ZNF143: variants seen among roughly 807,000 people sequenced by gnomAD.
The protein encoded by ZNF143 is zinc finger protein 143, also known as SPH-binding factor.
A neutral mutation model predicts 74.1 loss-of-function variants in ZNF143; 49 were observed. The ratio of observed to expected loss-of-function variants is 0.66; its 90% CI spans 0.53 to 0.84. The LOEUF (loss-of-function observed/expected upper bound fraction) is 0.84, where lower values mean the gene tolerates loss of function less well. Ranked by LOEUF, ZNF143 falls within the 40% of genes least tolerant of loss-of-function variation. The pLI, the probability that ZNF143 is intolerant of heterozygous loss-of-function variation, is 0.00. For synonymous variants in ZNF143, 304 were observed against 282.8 expected, an observed-to-expected ratio of 1.07 and a Z score of -0.75; for missense variants, 637 against 793.4, an observed-to-expected ratio of 0.80 and a Z score of 2.37.
chr11:9,490,636 G>T (rs917744599), intron 7 of ZNF143, among the ~76,000 whole-genome samples: 37 of 151,412 alleles, frequency 2.4e-4, no homozygotes, highest in African/African-American at 8.8e-4. Flanking sequence ...GAGTACATGT[G>T]TTGCTGTTAT....
chr11:9,497,653 T>A, intron 9 of ZNF143, 22 bp from the exon 10 acceptor site: 1 of 1,557,134 alleles, frequency 6.4e-7, no homozygotes, highest in South Asian at 1.2e-5. Context: ...GTAATTAAAT[T>A]TCTTTTAATT....
intron 11 of ZNF143, among the ~76,000 whole-genome samples, chr11:9,501,979 C>G (rs1848179482): frequency 7.8e-6 from 1 of 127,904 alleles, no homozygotes; most frequent in Admixed American, 8.9e-5. Flanking sequence ...TGTTGTTGCC[C>G]AGGCTGGAGT....
intron 7 of ZNF143, among the ~76,000 whole-genome samples, chr11:9,487,015 G>A (rs866846238): frequency 2.2e-5 from 3 of 138,820 alleles, no homozygotes; most frequent in Non-Finnish European, 4.6e-5. Context: ...CACCCAGGCT[G>A]GAGTGCAATG....
Position 9,467,660 on chromosome 11 carries a change from G to C in ZNF143, c.-7-3642G>C, listed in dbSNP as rs376589959. Among the ~76,000 whole-genome samples, 35 of 151,942 alleles carry C rather than the reference G, an allele frequency of 2.3e-4. 1 individual carries two copies. The highest frequency in any genetic ancestry group is 8.4e-4 in the African/African-American group (35 of 41,484). ...CAGGAGTTCAAGACCCGCCTGGCCA[G>C]CATGGTGAAAACCCTTCTCTACTAA... is the stretch of plus-strand genomic sequence containing the variant. On this transcript the variant is annotated intron_variant, in intron 1 of 15. Transcript: ENST00000396602.
intron 1 of ZNF143, among the ~76,000 whole-genome samples, chr11:9,466,656 G>A (rs572894028): frequency 3.3e-5 from 5 of 151,948 alleles, no homozygotes; most frequent in African/African-American, 1.2e-4. Flanking sequence ...GCCCAGGCTG[G>A]TCTTGAACTC....
At chr11:9,474,191 G>A (rs544401647) in intron 4 of ZNF143, among the ~76,000 whole-genome samples, 167 bp downstream of exon 4, 8 of 152,126 alleles carry the variant, frequency 5.3e-5, no homozygotes, top group African/African-American at 9.7e-5. Context: ...AGACTTTCTC[G>A]TAAAGATAAT....
At position 9,475,712 on chromosome 11, in the gene ZNF143, C is replaced by T. The variant is rs537505115; in HGVS notation, c.373+1079C>T. 1.1e-4 allele frequency among the ~76,000 whole-genome samples: 17 copies of T among 152,142 alleles called. No individual in the cohort carries two copies. The East Asian group carries it at 3.3e-3, about 29-fold the overall frequency. ...TTGAGACCAGCCTGGCCATGCAAAA[C>T]CCTGTCTCTACTAAAAATACAAAAA... On this transcript the variant is annotated intron_variant, in intron 5 of 15. Coordinates refer to ENST00000396602, the MANE Select transcript of ZNF143 (RefSeq NM_003442.6).
At chr11:9,464,100 G>T (rs983845177) in intron 1 of ZNF143, among the ~76,000 whole-genome samples, 2 of 151,628 alleles carry the variant, frequency 1.3e-5, no homozygotes, top group African/African-American at 4.9e-5. Context: ...GTGTGTGTGT[G>T]TGTGTGTGTG....
intron 14 of ZNF143, among the ~76,000 whole-genome samples, chr11:9,518,274 C>A (rs903277756): frequency 3.9e-5 from 6 of 152,106 alleles, no homozygotes; most frequent in Non-Finnish European, 5.9e-5. Flanking sequence ...GTTGATTTCT[C>A]CTAAGAAACT....
intron 10 of ZNF143, among the ~76,000 whole-genome samples, 163 bp downstream of exon 10, chr11:9,497,963 T>A (rs1848024606): frequency 6.6e-6 from 1 of 152,052 alleles, no homozygotes; most frequent in African/African-American, 2.4e-5. Flanking sequence ...CCCAAGTAGC[T>A]GGGACTACAG....
chr11:9,525,702 A>C (rs1474184606), intron 15 of ZNF143, among the ~76,000 whole-genome samples: 1 of 152,324 alleles, frequency 6.6e-6, no homozygotes, highest in East Asian at 1.9e-4. Flanking sequence ...TCTGTAAAGC[A>C]CTTAAGAGCT....
intron 7 of ZNF143, among the ~76,000 whole-genome samples, chr11:9,489,457 A>G (rs1847686496): frequency 6.6e-6 from 1 of 152,174 alleles, no homozygotes; most frequent in South Asian, 2.1e-4. Context: ...GAATGGGAGC[A>G]AAAACAAGTA....
chr11:9,513,367 G>A lies in ZNF143; in HGVS notation c.1524+771G>A, dbSNP rs929523488. ...CATTTATCTCCTTCCTCACTTTGAC[G>A]TCACTAATTTCACACTATACTCTCT... On this transcript the variant is annotated intron_variant, in intron 13 of 15. Transcript: ENST00000396602. Among the ~76,000 whole-genome samples, 7 of 152,144 alleles carry A rather than the reference G, an allele frequency of 4.6e-5. No individual in the cohort carries two copies. In the South Asian group the frequency reaches 6.2e-4, roughly 13 times the overall value.
At chr11:9,507,348 A>G (rs752801692) in intron 11 of ZNF143, among the ~76,000 whole-genome samples, 1 of 152,064 alleles carries the variant, frequency 6.6e-6, no homozygotes, top group Non-Finnish European at 1.5e-5. Flanking sequence ...TTCTTCCCCC[A>G]TTCCATATTT....
chr11:9,517,910 A>G (rs1405353831), intron 14 of ZNF143, among the ~76,000 whole-genome samples: 1 of 152,216 alleles, frequency 6.6e-6, no homozygotes, highest in African/African-American at 2.4e-5. Flanking sequence ...AATTCTGCTC[A>G]CCAAAAGACA....
chr11:9,478,368 G>T (rs760867342), intron 5 of ZNF143, 22 bp from the exon 6 acceptor site: 68 of 1,586,398 alleles, frequency 4.3e-5, no homozygotes, highest in Middle Eastern at 1.7e-4. Flanking sequence ...TAATTTAATG[G>T]CATTCTCTTC....
intron 1 of ZNF143, among the ~76,000 whole-genome samples, chr11:9,467,140 C>T (rs1278036598): frequency 3.3e-5 from 5 of 152,076 alleles, no homozygotes; most frequent in Non-Finnish European, 2.9e-5. Context: ...GATCCACCCG[C>T]CTTGGCCTCC....
At position 9,461,025 on chromosome 11, in the gene ZNF143, G is replaced by T; in HGVS notation, c.-59G>T. The T allele has an allele frequency of 9.1e-6, 9 of 986,206 alleles. No individual in the cohort carries two copies. The highest frequency in any genetic ancestry group is 1.1e-5 in the Non-Finnish European group (9 of 830,248). The allele number at this position is 986,206 out of a possible 1,614,324, so 61.1% of individuals were successfully genotyped here. ...CCTGGGGGCCGGACGGCTGTTTCCT[G>T]TCCTGGTGCATGGTGGTCGGACGAA... On this transcript the variant is annotated 5_prime_UTR_variant, in exon 1 of 16. Transcript: ENST00000396602.
chr11:9,469,084 A>G (rs1289198443), intron 1 of ZNF143, among the ~76,000 whole-genome samples: 1 of 150,048 alleles, frequency 6.7e-6, no homozygotes, highest in African/African-American at 2.4e-5. Flanking sequence ...CAGTGATCTG[A>G]GATCACGCCA....
Sources: gnomAD v4.1 joint callset for allele counts (sites outside exome capture counted in the v4.1 genomes callset) on GRCh38, gnomAD v4.1.1 for gene constraint, MANE v1.5 for transcripts, NCBI Gene and HGNC (gene_info 2026-07-23, HGNC 2026-07-21) for gene names.